Variants in EPHA6 observed in about 807,000 individuals in gnomAD.
EPHA6 encodes the protein ephrin type-A receptor 6.
EPHA6 carries 50 observed loss-of-function variants against 112.0 expected under a neutral mutation model. The ratio of observed to expected loss-of-function variants is 0.45; its 90% CI spans 0.36 to 0.56. EPHA6 has a LOEUF of 0.56. EPHA6 is among the 20% of genes least tolerant of loss of function. The probability of loss-of-function intolerance (pLI) is 0.00; values close to 1 mark genes in which losing one functional copy is unlikely to be tolerated. For synonymous variants in EPHA6, 529 were observed against 490.7 expected (o/e 1.08, Z -1.03); for missense variants, 1,280 against 1,417.4 (o/e 0.90, Z 1.56).
intron 6 of EPHA6, among the ~76,000 whole-genome samples, chr3:97,420,307 T>A (rs1490733138): frequency 6.6e-5 from 10 of 150,482 alleles, no homozygotes; most frequent in African/African-American, 2.4e-4. Context: ...AAAAAAAAGA[T>A]AAAAATTGAC....
At chr3:97,622,958 T>TA (rs1460566936) in intron 13 of EPHA6, among the ~76,000 whole-genome samples, 2 of 150,946 alleles carry the variant, frequency 1.3e-5, no homozygotes, top group Admixed American at 6.6e-5. Context: ...TTGCTTGATT[T>TA]TTTTTTGTTG....
intron 6 of EPHA6, among the ~76,000 whole-genome samples, chr3:97,444,928 C>G (rs1003930166): frequency 3.9e-5 from 6 of 152,002 alleles, no homozygotes; most frequent in Non-Finnish European, 8.8e-5. Flanking sequence ...TGATTCTCAG[C>G]ATCTTGGAAG....
intron 14 of EPHA6, among the ~76,000 whole-genome samples, chr3:97,676,807 T>G (rs2031431108): frequency 6.6e-6 from 1 of 152,150 alleles, no homozygotes; most frequent in Admixed American, 6.5e-5. Flanking sequence ...TTGTTGAAGG[T>G]CTCTTCAGAT....
At chr3:97,636,509 T>C (rs2093946776) in intron 13 of EPHA6, among the ~76,000 whole-genome samples, 1 of 152,094 alleles carries the variant, frequency 6.6e-6, no homozygotes, top group Non-Finnish European at 1.5e-5. Context: ...AGAGTGTTTT[T>C]TTAAGAGAGG....
intron 3 of EPHA6, among the ~76,000 whole-genome samples, chr3:97,071,951 T>C (rs142583251): frequency 6.6e-6 from 1 of 152,068 alleles, no homozygotes; most frequent in Non-Finnish European, 1.5e-5. Flanking sequence ...TTCCTACTTA[T>C]GAGTAAGAAT....
chr3:97,063,435 G>A (rs926519435), intron 3 of EPHA6, among the ~76,000 whole-genome samples: 1 of 152,276 alleles, frequency 6.6e-6, no homozygotes, highest in African/African-American at 2.4e-5. Flanking sequence ...ATTATCCCCA[G>A]CAAACAAATG....
At chr3:97,323,630 A>T (rs562627601) in intron 5 of EPHA6, among the ~76,000 whole-genome samples, 1 of 137,398 alleles carries the variant, frequency 7.3e-6, no homozygotes, top group African/African-American at 3.5e-5. Context: ...AAGCTCTAGA[A>T]ATCTAACTAT....
chr3:97,380,110 A>C (rs986458999), intron 5 of EPHA6, among the ~76,000 whole-genome samples: 2 of 152,158 alleles, frequency 1.3e-5, no homozygotes, highest in Admixed American at 1.3e-4. Context: ...ACGAAACTGT[A>C]ATTGAAAACA....
chr3:97,492,853 T>G (rs1435388400), intron 10 of EPHA6, among the ~76,000 whole-genome samples: 2 of 151,996 alleles, frequency 1.3e-5, no homozygotes, highest in Non-Finnish European at 2.9e-5. Context: ...GGAAAAGCAT[T>G]AGAAGTGGTA....
chr3:97,593,483 A>T (rs566799973), intron 12 of EPHA6, among the ~76,000 whole-genome samples: 3 of 152,266 alleles, frequency 2.0e-5, no homozygotes, highest in African/African-American at 7.2e-5. Context: ...ACAGAATTCA[A>T]ATATTGATTC....
At position 97,595,412 on chromosome 3, in the gene EPHA6, G is replaced by A. The variant is rs530108339; in HGVS notation, c.2512+2675G>A. 9.6e-4 allele frequency among the ~76,000 whole-genome samples: 146 copies of A among 152,292 alleles called. 2 individuals carry two copies. The highest frequency in any genetic ancestry group is 2.5e-3 in the South Asian group (12 of 4,828). On this transcript the variant is annotated intron_variant, in intron 12 of 17. Transcript: ENST00000389672. The stretch of plus-strand genomic sequence containing the variant: ...TAATCCCAGCACTTTGGGAGGCCAA[G>A]GCAGGTAGATCACCTGAGGTCAGGA...
At chr3:96,994,308 A>T (rs1395467076) in intron 3 of EPHA6, 1 of 284,100 alleles carries the variant, frequency 3.5e-6, no homozygotes, top group Non-Finnish European at 7.3e-6. Flanking sequence ...TATTTCATAG[A>T]TTCATAATTA....
At chr3:97,676,965 G>A (rs1016993212) in intron 14 of EPHA6, among the ~76,000 whole-genome samples, 5 of 152,156 alleles carry the variant, frequency 3.3e-5, no homozygotes, top group Non-Finnish European at 7.4e-5. Context: ...GCTGTACAAT[G>A]TGGCAGCCAT....
intron 2 of EPHA6, among the ~76,000 whole-genome samples, chr3:96,973,811 C>T (rs1451105454): frequency 1.6e-4 from 22 of 136,696 alleles, no homozygotes; most frequent in Admixed American, 3.2e-4. Context: ...GGCGACAGAG[C>T]GAGACTCCAT....
chr3:97,105,083 A>G (rs1202504821), intron 3 of EPHA6, among the ~76,000 whole-genome samples: 1 of 151,732 alleles, frequency 6.6e-6, no homozygotes, highest in Non-Finnish European at 1.5e-5. Context: ...TTCATTAAAA[A>G]AAAACTCCTC....
intron 5 of EPHA6, among the ~76,000 whole-genome samples, chr3:97,374,527 G>T (rs370326960): frequency 8.2e-4 from 124 of 152,124 alleles, no homozygotes; most frequent in African/African-American, 2.6e-3. Context: ...ACTTGTGTAG[G>T]TTTGTTATAA....
chr3:97,394,222 A>C (rs974580116), intron 5 of EPHA6, among the ~76,000 whole-genome samples: 1 of 151,896 alleles, frequency 6.6e-6, no homozygotes, highest in Non-Finnish European at 1.5e-5. Context: ...ATCCACATGC[A>C]GAAGAATGAA....
At chr3:97,540,457 T>C (rs1232939357) in intron 11 of EPHA6, among the ~76,000 whole-genome samples, 1 of 152,238 alleles carries the variant, frequency 6.6e-6, no homozygotes, top group Non-Finnish European at 1.5e-5. Flanking sequence ...ACTTCCCTTC[T>C]TATAAGAAAA....
At chr3:97,191,579 ATCTGTG>A (rs1391969240) in intron 3 of EPHA6, among the ~76,000 whole-genome samples, 1 of 151,994 alleles carries the variant, frequency 6.6e-6, no homozygotes, top group Non-Finnish European at 1.5e-5. Flanking sequence ...AAATTTGACT[ATCTGTG>A]TCTGGCTTAT....
Sources: allele counts gnomAD v4.1 joint callset (sites outside exome capture counted in the v4.1 genomes callset), GRCh38; gene constraint gnomAD v4.1.1; transcripts MANE v1.5; gene names NCBI Gene and HGNC (gene_info 2026-07-23, HGNC 2026-07-21).